The following CDK14 variants were observed in gnomAD, a reference collection of about 807,000 sequenced individuals.
The protein encoded by CDK14 is cyclin-dependent kinase 14.
A neutral mutation model predicts 60.7 loss-of-function variants in CDK14; 34 were observed. The ratio of observed to expected loss-of-function variants is 0.56; its 90% confidence interval spans 0.43 to 0.75. CDK14 has a LOEUF of 0.75. Among genes scored for constraint, CDK14 ranks in the 30% least tolerant of loss-of-function variants. CDK14 has a pLI of 0.00. For synonymous variants in CDK14, 197 were observed against 203.7 expected, an observed-to-expected ratio of 0.97 and a Z score of 0.28; for missense variants, 482 against 564.1, an observed-to-expected ratio of 0.85 and a Z score of 1.47.
At chr7:91,090,171 T>C (rs1798758918) in intron 12 of CDK14, among the ~76,000 whole-genome samples, 1 of 152,188 alleles carries the variant, frequency 6.6e-6, no homozygotes, top group African/African-American at 2.4e-5. Flanking sequence ...GAGTCCCTGA[T>C]CAGGACCCCT....
At chr7:90,747,538 G>T in intron 3 of CDK14, 143 bp from the exon 4 acceptor site, 1 of 568,862 alleles carries the variant, frequency 1.8e-6, no homozygotes, top group South Asian at 2.1e-5. Flanking sequence ...TTATTATGTT[G>T]TTTTGAAAAA....
chr7:90,623,301 A>G (rs1799811759), intron 2 of CDK14, among the ~76,000 whole-genome samples: 1 of 152,144 alleles, frequency 6.6e-6, no homozygotes, highest in Middle Eastern at 3.2e-3. Flanking sequence ...TAGGCTGACC[A>G]CATGAATACC....
intron 2 of CDK14, among the ~76,000 whole-genome samples, chr7:90,721,819 T>C (rs1443538612): frequency 6.6e-6 from 1 of 152,174 alleles, no homozygotes; most frequent in African/African-American, 2.4e-5. Flanking sequence ...TCTGAGTTTT[T>C]TTAATATATG....
At chr7:90,941,836 A>C in intron 8 of CDK14, among the ~76,000 whole-genome samples, 1 of 151,964 alleles carries the variant, frequency 6.6e-6, no homozygotes, top group Middle Eastern at 3.2e-3. Flanking sequence ...GTACCTTGCT[A>C]TTCCTTTTCA....
At position 90,754,205 on chromosome 7, in the gene CDK14, C is replaced by T. The variant is rs113106557; in HGVS notation, c.464+6430C>T. Among the ~76,000 whole-genome samples the T allele has an allele frequency of 9.4e-3, 1,426 of 152,194 alleles. 31 individuals carry two copies. The highest frequency in any genetic ancestry group is 0.033 in the African/African-American group (1,361 of 41,530). On this transcript the variant is annotated intron_variant, in intron 4 of 14. Transcript: ENST00000380050. Reference sequence around the variant, plus strand: ...TAAGGGAAAAGAACCAAGACAGAGGCGTCACACTACCTGAATTCAAACTAT... The same window carrying T: ...TAAGGGAAAAGAACCAAGACAGAGGTGTCACACTACCTGAATTCAAACTAT...
At chr7:90,652,864 A>G (rs1186187453) in intron 2 of CDK14, among the ~76,000 whole-genome samples, 1 of 152,200 alleles carries the variant, frequency 6.6e-6, no homozygotes, top group African/African-American at 2.4e-5. Context: ...GCCTGAGTCT[A>G]ATGATCATGA....
chr7:90,920,760 TGC>T (rs1160197653), intron 8 of CDK14, among the ~76,000 whole-genome samples: 2 of 152,240 alleles, frequency 1.3e-5, no homozygotes, highest in African/African-American at 4.8e-5. Flanking sequence ...TACAAAAATA[TGC>T]ATCACATAAT....
At chr7:90,797,806 C>T (rs757479481) in intron 5 of CDK14, among the ~76,000 whole-genome samples, 2 of 151,820 alleles carry the variant, frequency 1.3e-5, no homozygotes, top group African/African-American at 2.4e-5. Flanking sequence ...TTCATGACAG[C>T]TCACTGACTC....
At chr7:91,205,932 A>G (rs1802882359) in intron 14 of CDK14, among the ~76,000 whole-genome samples, 1 of 152,038 alleles carries the variant, frequency 6.6e-6, no homozygotes, top group Admixed American at 6.5e-5. Context: ...AGCAGCTGGG[A>G]CTACAGGCAC....
At chr7:90,737,492 G>A (rs558782192) in intron 3 of CDK14, among the ~76,000 whole-genome samples, 71 of 152,214 alleles carry the variant, frequency 4.7e-4, no homozygotes, top group Admixed American at 3.8e-3. Flanking sequence ...TCATCTTGGC[G>A]TTACTTCCTC....
chr7:91,061,986 A>C (rs1797809334), intron 11 of CDK14, among the ~76,000 whole-genome samples: 1 of 152,188 alleles, frequency 6.6e-6, no homozygotes, highest in Non-Finnish European at 1.5e-5. Context: ...TGGCTATGCC[A>C]TGCCCCCAGA....
chr7:90,868,940 T>C (rs1791281820), intron 6 of CDK14, among the ~76,000 whole-genome samples: 1 of 152,216 alleles, frequency 6.6e-6, no homozygotes, highest in African/African-American at 2.4e-5. Flanking sequence ...ATTACCTTCC[T>C]AGAGTTTTAT....
At chr7:90,926,479 G>A (rs1223773511) in intron 8 of CDK14, among the ~76,000 whole-genome samples, 1 of 152,168 alleles carries the variant, frequency 6.6e-6, no homozygotes, top group Non-Finnish European at 1.5e-5. Context: ...ATGGACAGGT[G>A]GAGGCTGAAC....
At chr7:90,752,232 T>A (rs1417581111) in intron 4 of CDK14, among the ~76,000 whole-genome samples, 2 of 151,964 alleles carry the variant, frequency 1.3e-5, no homozygotes, top group African/African-American at 4.8e-5. Flanking sequence ...ATTCTTCTCA[T>A]TTGCATTTAG....
At chr7:90,914,794 G>A (rs1245907698) in intron 7 of CDK14, among the ~76,000 whole-genome samples, 2 of 152,120 alleles carry the variant, frequency 1.3e-5, no homozygotes, top group Admixed American at 1.3e-4. Flanking sequence ...ACCTATGTCT[G>A]CCCTTAGCTT....
At chr7:91,180,938 A>G (rs1346554747) in intron 14 of CDK14, among the ~76,000 whole-genome samples, 1 of 152,170 alleles carries the variant, frequency 6.6e-6, no homozygotes, top group Non-Finnish European at 1.5e-5. Flanking sequence ...TTTTCCTCTG[A>G]TCTACATGCA....
intron 12 of CDK14, among the ~76,000 whole-genome samples, chr7:91,091,722 G>A (rs907265447): frequency 4.3e-5 from 2 of 46,048 alleles, no homozygotes; most frequent in East Asian, 2.7e-3. Flanking sequence ...GGGAAGGAAA[G>A]AAGGAAGGAA....
At chr7:90,609,877 A>G (rs916309306) in intron 2 of CDK14, among the ~76,000 whole-genome samples, 5 of 152,184 alleles carry the variant, frequency 3.3e-5, no homozygotes, top group African/African-American at 1.2e-4. Flanking sequence ...GGGCTGTCTC[A>G]GTGTCCATAT....
intron 5 of CDK14, among the ~76,000 whole-genome samples, chr7:90,821,840 C>T (rs568168427): frequency 1.3e-5 from 2 of 152,172 alleles, no homozygotes; most frequent in African/African-American, 4.8e-5. Context: ...GTGTCTCCCT[C>T]CAGTCCATTA....
Sources: allele counts gnomAD v4.1 joint callset (sites outside exome capture counted in the v4.1 genomes callset), GRCh38; gene constraint gnomAD v4.1.1; transcripts MANE v1.5; gene names NCBI Gene and HGNC (gene_info 2026-07-23, HGNC 2026-07-21).